The following PLEKHA2 variants were observed in gnomAD, a reference collection of about 807,000 sequenced individuals.
PLEKHA2 encodes pleckstrin homology domain containing A2.
PLEKHA2 carries 28 observed loss-of-function variants against 53.2 expected under a neutral mutation model. The ratio of observed to expected loss-of-function variants is 0.53; its 90% confidence interval spans 0.39 to 0.72. The LOEUF (loss-of-function observed/expected upper bound fraction) is 0.72, where lower values mean the gene tolerates loss of function less well. PLEKHA2 is among the 30% of genes least tolerant of loss of function. The pLI, the probability that PLEKHA2 is intolerant of heterozygous loss-of-function variation, is 0.00. For missense variants in PLEKHA2, 426 were observed against 537.9 expected, an observed-to-expected ratio of 0.79 and a Z score of 2.06; for synonymous variants, 193 against 196.4, an observed-to-expected ratio of 0.98 and a Z score of 0.14.
intron 10 of PLEKHA2, among the ~76,000 whole-genome samples, chr8:38,959,380 A>T (rs1370383133): frequency 6.6e-6 from 1 of 152,226 alleles, no homozygotes. Context: ...GAGGACCCTC[A>T]TATGCCTTAT....
At position 38,969,562 on chromosome 8, in the gene PLEKHA2, T is replaced by G. The variant is rs201874190; in HGVS notation, c.1057T>G (p.Ser353Ala). 752 of 1,611,808 alleles carry G rather than the reference T, an allele frequency of 4.7e-4. 7 individuals are homozygous for G. Among genetic ancestry groups the G allele is most frequent in the South Asian group, 3.2e-3 (288 of 90,646 alleles). Reference protein sequence around the residue: ...ALCKAPSVASSWQPWTPVPQA... With the variant: ...ALCKAPSVASAWQPWTPVPQA... Reference sequence around the variant, plus strand: ...CTGCAAAGCCCCCTCTGTGGCCTCCTCCTGGCAGCCCTGGACACCTGTCCC... The same window carrying G: ...CTGCAAAGCCCCCTCTGTGGCCTCCGCCTGGCAGCCCTGGACACCTGTCCC... The change falls in exon 12 of 12, where the codon TCC becomes GCC. Residue 353 changes from serine to alanine, a missense_variant. Coordinates refer to ENST00000617275, the MANE Select transcript of PLEKHA2 (RefSeq NM_021623.2).
chr8:38,909,976 A>G lies in PLEKHA2; in HGVS notation c.-23-7931A>G, dbSNP rs1446371872. Reference sequence around the variant, plus strand: ...TTAAAATACTTTTTTTTTTTTTTTGAGATGGAGTCTCACTCTGTCACCCAG... The same window carrying G: ...TTAAAATACTTTTTTTTTTTTTTTGGGATGGAGTCTCACTCTGTCACCCAG... On this transcript the variant is annotated intron_variant, in intron 1 of 11. Coordinates refer to ENST00000617275, the MANE Select transcript of PLEKHA2 (RefSeq NM_021623.2). Among the ~76,000 whole-genome samples the G allele has an allele frequency of 4.5e-5, 5 of 111,302 alleles. No homozygotes were observed. In the Admixed American group the frequency reaches 5.3e-4, roughly 12 times the overall value. 73.0% of individuals were successfully genotyped at this position (111,302 alleles called of 152,430 possible).
intron 1 of PLEKHA2, among the ~76,000 whole-genome samples, chr8:38,916,554 C>T (rs1834066167): frequency 6.6e-6 from 1 of 152,322 alleles, no homozygotes; most frequent in African/African-American, 2.4e-5. Flanking sequence ...TCACACTTAA[C>T]ATAATGATCC....
At chr8:38,946,648 G>C (rs932806630) in intron 5 of PLEKHA2, among the ~76,000 whole-genome samples, 4 of 152,204 alleles carry the variant, frequency 2.6e-5, no homozygotes, top group African/African-American at 9.7e-5. Context: ...TGCAGGGTCA[G>C]TCCAAGCCAT....
intron 10 of PLEKHA2, among the ~76,000 whole-genome samples, chr8:38,960,231 AT>A (rs1224380833): frequency 2.0e-5 from 3 of 152,226 alleles, no homozygotes; most frequent in Admixed American, 2.0e-4. Flanking sequence ...GGGAGGACAA[AT>A]CTGTTTACAG....
chr8:38,938,251 C>T (rs1834534028), intron 3 of PLEKHA2, among the ~76,000 whole-genome samples: 1 of 152,176 alleles, frequency 6.6e-6, no homozygotes, highest in Admixed American at 6.5e-5. Flanking sequence ...GATGCCTTCT[C>T]CAGGTAAATG....
At chr8:38,950,796 C>T in intron 5 of PLEKHA2, 54 bp from the exon 6 acceptor site, 2 of 1,577,466 alleles carry the variant, frequency 1.3e-6, no homozygotes, top group South Asian at 2.3e-5. Flanking sequence ...TTTGGGCTCC[C>T]CATGTTTCCT....
In PLEKHA2 at chr8:38,969,707, C is replaced by T. The variant is rs779235903; in HGVS notation, c.1202C>T (p.Ser401Leu). 4.5e-5 allele frequency: 70 copies of T among 1,557,954 alleles called. No individual in the cohort carries two copies. Among genetic ancestry groups the T allele is most frequent in the Non-Finnish European group, 5.5e-5 (63 of 1,151,306 alleles). Residue 401 changes from serine to leucine, a missense_variant, in exon 12 of 12, where the codon TCG becomes TTG. Physicochemically the swap from Ser to Leu is moderately radical, Grantham distance 145. Transcript: ENST00000617275. ...VLPSSRIRHR[S>L]EPQHPKEKPF... ...CCCAGCTCCCGGATAAGGCACAGAT[C>T]GGAGCCCCAGCACCCCAAGGAGAAG...
intron 10 of PLEKHA2, among the ~76,000 whole-genome samples, chr8:38,965,868 A>G (rs1835126162): frequency 6.6e-6 from 1 of 152,174 alleles, no homozygotes; most frequent in Non-Finnish European, 1.5e-5. Context: ...CTGTTTCAAT[A>G]GTTTTTCCTA....
intron 10 of PLEKHA2, among the ~76,000 whole-genome samples, chr8:38,958,322 C>A (rs1463076375): frequency 6.6e-6 from 1 of 150,412 alleles, no homozygotes; most frequent in Non-Finnish European, 1.5e-5. Context: ...GACTTTGTCT[C>A]AAAAAAAAGG....
chr8:38,964,404 G>A (rs1835095528), intron 10 of PLEKHA2, among the ~76,000 whole-genome samples: 1 of 152,062 alleles, frequency 6.6e-6, no homozygotes, highest in Non-Finnish European at 1.5e-5. Context: ...ATTCTCATAG[G>A]ACTGCGAACC....
chr8:38,918,282 C>A (rs574271504), intron 2 of PLEKHA2, among the ~76,000 whole-genome samples: 1 of 149,708 alleles, frequency 6.7e-6, no homozygotes, highest in Admixed American at 6.6e-5. Flanking sequence ...ACCACACACA[C>A]GCACACACAT....
At chr8:38,952,411 C>A in intron 7 of PLEKHA2, 99 bp downstream of exon 7, 1 of 1,490,904 alleles carries the variant, frequency 6.7e-7, no homozygotes, top group South Asian at 1.3e-5. Flanking sequence ...CAGGAGGTGC[C>A]TCAGTCCTCC....
At chr8:38,931,357 G>A (rs1339702154) in intron 2 of PLEKHA2, among the ~76,000 whole-genome samples, 1 of 152,130 alleles carries the variant, frequency 6.6e-6, no homozygotes, top group African/African-American at 2.4e-5. Flanking sequence ...ACCACCCACC[G>A]GCTCCACTTT....
chr8:38,942,247 T>A (rs947000206), intron 3 of PLEKHA2, among the ~76,000 whole-genome samples: 2 of 150,778 alleles, frequency 1.3e-5, no homozygotes, highest in Middle Eastern at 3.4e-3. Flanking sequence ...AAAAAAAAAA[T>A]GGAAAAATTA....
rs572072382 is a variant in PLEKHA2 at position 38,947,552 on chromosome 8, G to A, written c.345+1331G>A. ...GCAGGAGGATCACTTGAGCCCAGAA[G>A]TTTGAGGCTGCAGGGAGTTATGATC... On this transcript the variant is annotated intron_variant, in intron 5 of 11. Coordinates refer to ENST00000617275, the MANE Select transcript of PLEKHA2 (RefSeq NM_021623.2). Among the ~76,000 whole-genome samples, 6 of 152,204 alleles carry A rather than the reference G, an allele frequency of 3.9e-5. No homozygotes were observed. In the East Asian group the frequency reaches 9.7e-4, roughly 25 times the overall value.
chr8:38,926,281 C>T (rs986868576), intron 2 of PLEKHA2, among the ~76,000 whole-genome samples: 2 of 151,192 alleles, frequency 1.3e-5, no homozygotes, highest in South Asian at 4.2e-4. Flanking sequence ...ACGCAGAATC[C>T]TTTGGTAAAA....
At chr8:38,923,178 C>G (rs182507357) in intron 2 of PLEKHA2, among the ~76,000 whole-genome samples, 6 of 152,160 alleles carry the variant, frequency 3.9e-5, no homozygotes, top group Non-Finnish European at 8.8e-5. Flanking sequence ...TGCCATTTTC[C>G]TTTGCTGCCA....
At chr8:38,931,639 T>C (rs1834395172) in intron 2 of PLEKHA2, among the ~76,000 whole-genome samples, 1 of 152,220 alleles carries the variant, frequency 6.6e-6, no homozygotes, top group African/African-American at 2.4e-5. Context: ...TCCAGTACTT[T>C]ATGAACTCAG....
Sources: allele counts gnomAD v4.1 joint callset (sites outside exome capture counted in the v4.1 genomes callset), GRCh38; gene constraint gnomAD v4.1.1; transcripts MANE v1.5; gene names NCBI Gene and HGNC (gene_info 2026-07-23, HGNC 2026-07-21).